Variants in CSMD1 observed in about 807,000 individuals in gnomAD.
CSMD1 encodes CUB and sushi domain-containing protein 1.
Under a neutral mutation model 417.5 loss-of-function variants are expected in CSMD1, and 213 were observed. The observed-to-expected ratio is 0.51, with a 90% CI of 0.46 to 0.57. The LOEUF (loss-of-function observed/expected upper bound fraction) is 0.57. Ranked by LOEUF, CSMD1 falls within the 20% of genes least tolerant of loss-of-function variation. CSMD1 has a pLI of 0.00. For missense variants in CSMD1, 6,923 were observed against 4,529.7 expected (o/e 1.53, Z -15.17); for synonymous variants, 2,862 against 1,736.8 (o/e 1.65, Z -16.11).
chr8:4,119,923 A>AGAG (rs1447079799), intron 3 of CSMD1, among the ~76,000 whole-genome samples: 1 of 149,600 alleles, frequency 6.7e-6, no homozygotes, highest in African/African-American at 2.5e-5. Flanking sequence ...TGGGAGGGTG[A>AGAG]GAGGAGCTGG....
intron 26 of CSMD1, among the ~76,000 whole-genome samples, chr8:3,230,720 A>G (rs564988651): frequency 2.0e-4 from 30 of 152,308 alleles, no homozygotes; most frequent in African/African-American, 7.0e-4. Flanking sequence ...GGAGATGACC[A>G]GTGAGTTATA....
intron 3 of CSMD1, among the ~76,000 whole-genome samples, chr8:4,128,231 T>C (rs1008207712): frequency 6.6e-6 from 1 of 152,104 alleles, no homozygotes; most frequent in African/African-American, 2.4e-5. Context: ...AAGGCATGTT[T>C]CTGCATGGCT....
At chr8:4,289,026 G>C (rs991818224) in intron 3 of CSMD1, among the ~76,000 whole-genome samples, 5 of 152,098 alleles carry the variant, frequency 3.3e-5, no homozygotes, top group South Asian at 2.1e-4. Context: ...ATCTGTTCAA[G>C]CAATGACTGT....
intron 3 of CSMD1, among the ~76,000 whole-genome samples, chr8:4,184,186 A>T (rs1798536329): frequency 6.6e-6 from 1 of 152,250 alleles, no homozygotes; most frequent in African/African-American, 2.4e-5. Flanking sequence ...TGTTATATTA[A>T]ATCTGTGTCA....
At position 4,419,949 on chromosome 8, in the gene CSMD1, C is replaced by G. The variant is rs749143273; in HGVS notation, c.415+4G>C. ...GCATGTGCAAAACACAACCAATCTC[C>G]TACCTTCATATAATGCTTTGAAACC... On this transcript the variant is annotated splice_donor_region_variant and intron_variant, in intron 3 of 69. Coordinates refer to ENST00000635120, the MANE Select transcript of CSMD1 (RefSeq NM_033225.6). The G allele has an allele frequency of 2.2e-5, 34 of 1,552,874 alleles. No homozygotes were observed. Among genetic ancestry groups the G allele is most frequent in the South Asian group, 1.2e-4 (10 of 84,836 alleles).
At chr8:4,505,832 A>C in intron 2 of CSMD1, among the ~76,000 whole-genome samples, 1 of 150,754 alleles carries the variant, frequency 6.6e-6, no homozygotes, top group African/African-American at 2.4e-5. Context: ...ATAGAGTCTC[A>C]CTCTGTCACC....
intron 5 of CSMD1, among the ~76,000 whole-genome samples, chr8:3,796,933 G>A (rs182915883): frequency 2.6e-5 from 4 of 151,706 alleles, no homozygotes; most frequent in Non-Finnish European, 4.4e-5. Flanking sequence ...GAAGATTTTG[G>A]TTAATATGTA....
At chr8:3,484,053 G>A (rs1019820521) in intron 11 of CSMD1, among the ~76,000 whole-genome samples, 1 of 152,122 alleles carries the variant, frequency 6.6e-6, no homozygotes, top group Admixed American at 6.5e-5. Flanking sequence ...TTTATACATT[G>A]CTGGGAGTAT....
intron 2 of CSMD1, among the ~76,000 whole-genome samples, chr8:4,632,028 C>T (rs559910857): frequency 1.8e-4 from 27 of 152,272 alleles, no homozygotes; most frequent in Non-Finnish European, 3.4e-4. Flanking sequence ...TAGATGTCAA[C>T]GTCAATTGTT....
chr8:4,447,266 A>G (rs986256921), intron 2 of CSMD1, among the ~76,000 whole-genome samples: 22 of 152,208 alleles, frequency 1.4e-4, no homozygotes, highest in African/African-American at 5.1e-4. Context: ...GGTTAGATAC[A>G]ACTAAAGCAA....
chr8:3,789,154 G>C (rs951672872), intron 5 of CSMD1, among the ~76,000 whole-genome samples: 2 of 152,112 alleles, frequency 1.3e-5, no homozygotes, highest in African/African-American at 4.8e-5. Flanking sequence ...ATGCCCCAGA[G>C]AGCTTCCTTG....
chr8:2,987,123 A>G (rs1026905247), intron 54 of CSMD1, among the ~76,000 whole-genome samples: 2 of 152,070 alleles, frequency 1.3e-5, no homozygotes, highest in Non-Finnish European at 2.9e-5. Context: ...GTATTTTTCT[A>G]TCATATTTTA....
intron 5 of CSMD1, among the ~76,000 whole-genome samples, chr8:3,756,448 A>T (rs1224953280): frequency 6.6e-6 from 1 of 152,166 alleles, no homozygotes; most frequent in East Asian, 1.9e-4. Context: ...TTAAATTCAA[A>T]CATAGAAAAT....
intron 6 of CSMD1, among the ~76,000 whole-genome samples, chr8:3,729,211 G>C (rs957978439): frequency 1.3e-5 from 2 of 152,024 alleles, no homozygotes; most frequent in African/African-American, 4.8e-5. Context: ...GTCTTAAAAA[G>C]ACCTCAGGTC....
intron 5 of CSMD1, among the ~76,000 whole-genome samples, chr8:3,961,721 G>A (rs747817540): frequency 8.5e-5 from 13 of 152,318 alleles, no homozygotes; most frequent in Non-Finnish European, 1.9e-4. Context: ...ACTCATGGGA[G>A]CATTTCCTGC....
At chr8:4,040,440 A>G (rs1797827794) in intron 3 of CSMD1, among the ~76,000 whole-genome samples, 1 of 152,212 alleles carries the variant, frequency 6.6e-6, no homozygotes, top group Non-Finnish European at 1.5e-5. Context: ...AAGAACTGGT[A>G]GTAGAGCTTG....
chr8:4,147,872 G>A (rs1018325453), intron 3 of CSMD1, among the ~76,000 whole-genome samples: 1 of 152,072 alleles, frequency 6.6e-6, no homozygotes. Context: ...TGAGCTTCAT[G>A]GAATCAGGGG....
chr8:3,922,440 A>T (rs985725679), intron 5 of CSMD1, among the ~76,000 whole-genome samples: 1 of 152,058 alleles, frequency 6.6e-6, no homozygotes, highest in African/African-American at 2.4e-5. Flanking sequence ...CTGTTTCATC[A>T]TTAATATATT....
At chr8:3,141,824 G>T (rs1476523546) in intron 41 of CSMD1, among the ~76,000 whole-genome samples, 13 of 149,342 alleles carry the variant, frequency 8.7e-5, no homozygotes, top group African/African-American at 2.7e-4. Flanking sequence ...CTGAGATGGA[G>T]TCTGGCTCTG....
Sources: gnomAD v4.1 joint callset for allele counts (sites outside exome capture counted in the v4.1 genomes callset) on GRCh38, gnomAD v4.1.1 for gene constraint, MANE v1.5 for transcripts, NCBI Gene and HGNC (gene_info 2026-07-23, HGNC 2026-07-21) for gene names.